The following GRIN3A variants were observed in gnomAD, a reference collection of about 807,000 sequenced individuals.
GRIN3A encodes glutamate receptor ionotropic, NMDA 3A.
GRIN3A carries 47 observed loss-of-function variants against 92.4 expected under a neutral mutation model. The ratio of observed to expected loss-of-function variants is 0.51; its 90% CI spans 0.40 to 0.65. The LOEUF (loss-of-function observed/expected upper bound fraction) is 0.65, where lower values mean the gene tolerates loss of function less well. Ranked by LOEUF, GRIN3A falls within the 30% of genes least tolerant of loss-of-function variation. The pLI, the probability that GRIN3A is intolerant of heterozygous loss-of-function variation, is 0.00. For synonymous variants in GRIN3A, 527 were observed against 540.6 expected, an observed-to-expected ratio of 0.97 and a Z score of 0.35; for missense variants, 1,324 against 1,393.1, an observed-to-expected ratio of 0.95 and a Z score of 0.79.
chr9:101,646,120 T>A (rs1440599189), intron 3 of GRIN3A, among the ~76,000 whole-genome samples: 2 of 151,920 alleles, frequency 1.3e-5, no homozygotes, highest in Non-Finnish European at 2.9e-5. Context: ...TGCTTGTGCT[T>A]TTGAGATCTT....
intron 5 of GRIN3A, among the ~76,000 whole-genome samples, chr9:101,618,482 C>G (rs1828499845): frequency 6.6e-6 from 1 of 152,100 alleles, no homozygotes; most frequent in East Asian, 1.9e-4. Context: ...AAATGCAAAT[C>G]AAAACCACAA....
chr9:101,644,432 C>T (rs1354519401), intron 3 of GRIN3A, among the ~76,000 whole-genome samples: 1 of 143,358 alleles, frequency 7.0e-6, no homozygotes, highest in Non-Finnish European at 1.5e-5. Context: ...AACTTAGTTC[C>T]TGGCCCCTTG....
At chr9:101,678,010 C>G (rs1829421335) in intron 2 of GRIN3A, among the ~76,000 whole-genome samples, 1 of 152,124 alleles carries the variant, frequency 6.6e-6, no homozygotes. Flanking sequence ...TTGCTGTTCT[C>G]CCTTCCCCAC....
chr9:101,705,080 G>T (rs1341967534), intron 1 of GRIN3A, among the ~76,000 whole-genome samples: 1 of 152,108 alleles, frequency 6.6e-6, no homozygotes, highest in Admixed American at 6.5e-5. Context: ...CCACCCTTGG[G>T]CCTGTGCCCA....
intron 1 of GRIN3A, among the ~76,000 whole-genome samples, chr9:101,736,185 C>CT (rs371249688): frequency 0.019 from 2,839 of 152,256 alleles, 93 homozygotes; most frequent in African/African-American, 0.065. Flanking sequence ...AGAATGTGGA[C>CT]TTTTTTACTA....
intron 1 of GRIN3A, among the ~76,000 whole-genome samples, chr9:101,723,546 C>G (rs1045000266): frequency 3.3e-5 from 5 of 152,192 alleles, no homozygotes; most frequent in African/African-American, 4.8e-5. Context: ...GTTGCCACTG[C>G]TGGCTCGGGC....
At chr9:101,718,903 T>C (rs146709246) in intron 1 of GRIN3A, among the ~76,000 whole-genome samples, 1 of 152,340 alleles carries the variant, frequency 6.6e-6, no homozygotes, top group East Asian at 1.9e-4. Flanking sequence ...ATGGTACTGG[T>C]ATTTCATTAA....
intron 1 of GRIN3A, among the ~76,000 whole-genome samples, chr9:101,725,367 A>G (rs1199489348): frequency 1.3e-5 from 2 of 152,220 alleles, no homozygotes; most frequent in Non-Finnish European, 2.9e-5. Flanking sequence ...TTGATGCAAG[A>G]AGGTAATGTG....
At chr9:101,622,995 A>AACACACACACACACACACACACACACAC (rs5899450) in intron 5 of GRIN3A, among the ~76,000 whole-genome samples, 55 of 147,524 alleles carry the variant, frequency 3.7e-4, no homozygotes, top group African/African-American at 1.4e-3. Context: ...CCTGCCACTA[A>AACACACACACACACACACACACACACAC]ACACACACAC....
intron 3 of GRIN3A, among the ~76,000 whole-genome samples, chr9:101,658,398 G>A (rs13285223): frequency 0.13 from 19,863 of 151,932 alleles, 1,584 homozygotes; most frequent in Admixed American, 0.19. Flanking sequence ...CCTTTAGGCT[G>A]ATGGTTAATC....
At chr9:101,621,533 A>G (rs555854951) in intron 5 of GRIN3A, among the ~76,000 whole-genome samples, 52 of 152,292 alleles carry the variant, frequency 3.4e-4, no homozygotes, top group African/African-American at 1.2e-3. Flanking sequence ...AACCTGCAGT[A>G]TTTCTACTCT....
At chr9:101,647,487 G>T (rs1828953007) in intron 3 of GRIN3A, among the ~76,000 whole-genome samples, 1 of 151,174 alleles carries the variant, frequency 6.6e-6, no homozygotes, top group Admixed American at 6.6e-5. Context: ...TCTGGTTTTG[G>T]TACTAGGATG....
chr9:101,617,256 C>G (rs1324776134), intron 5 of GRIN3A, among the ~76,000 whole-genome samples: 1 of 148,564 alleles, frequency 6.7e-6, no homozygotes, highest in Non-Finnish European at 1.5e-5. Context: ...AGATTGGTAC[C>G]AGAGGAGAGG....
chr9:101,593,683 A>T (rs1028043123), intron 6 of GRIN3A: 1 of 152,212 alleles, frequency 6.6e-6, no homozygotes, highest in Non-Finnish European at 1.5e-5. Context: ...CCAACCCTGG[A>T]AACCCACTGC....
intron 6 of GRIN3A, among the ~76,000 whole-genome samples, chr9:101,588,799 T>C (rs11793752): frequency 0.082 from 12,279 of 150,386 alleles, 585 homozygotes; most frequent in Middle Eastern, 0.12. Context: ...TCTAAAAATA[T>C]TATTTTCTAA....
chr9:101,574,697 G>A (rs1440721737), intron 8 of GRIN3A, among the ~76,000 whole-genome samples: 1 of 152,122 alleles, frequency 6.6e-6, no homozygotes. Context: ...TTTCCTCCCC[G>A]CTTCAGTTAG....
intron 6 of GRIN3A, chr9:101,595,082 G>A: frequency 1.4e-6 from 1 of 720,500 alleles, no homozygotes; most frequent in South Asian, 1.9e-5. Context: ...GGAGGGAGGG[G>A]CGGCAGGTCA....
At position 101,602,802 on chromosome 9, in the gene GRIN3A, T is replaced by C. The variant is rs1161669032; in HGVS notation, c.2766+10574A>G. On this transcript the variant is annotated intron_variant, in intron 6 of 8. Transcript: ENST00000361820. Reference sequence around the variant, plus strand: ...TCAGAATCCTAATTTGTGTTATTTATAGTAGCCAGAAAGCAACAGAGAAGC... The same window carrying C: ...TCAGAATCCTAATTTGTGTTATTTACAGTAGCCAGAAAGCAACAGAGAAGC... 4 of 152,296 alleles carry C rather than the reference T, an allele frequency of 2.6e-5. No individual in the cohort carries two copies. The East Asian group carries it at 5.8e-4, about 22-fold the overall frequency. 9.4% of individuals were successfully genotyped at this position (152,296 alleles called of 1,614,324 possible).
At chr9:101,597,592 A>C (rs539158121) in intron 6 of GRIN3A, among the ~76,000 whole-genome samples, 38 of 152,346 alleles carry the variant, frequency 2.5e-4, no homozygotes, top group African/African-American at 8.4e-4. Context: ...ACCTCTGTGT[A>C]GATAGAATTG....
Sources: allele counts gnomAD v4.1 joint callset (sites outside exome capture counted in the v4.1 genomes callset), GRCh38; gene constraint gnomAD v4.1.1; transcripts MANE v1.5; gene names NCBI Gene and HGNC (gene_info 2026-07-23, HGNC 2026-07-21).